AUH: variants seen among roughly 807,000 people sequenced by gnomAD.
The protein encoded by AUH is AU RNA binding methylglutaconyl-CoA hydratase, also known as methylglutaconyl-CoA hydratase, mitochondrial.
In AUH, 29 loss-of-function variants were observed where a neutral mutation model predicts 42.3. The ratio of observed to expected loss-of-function variants is 0.69; its 90% CI spans 0.51 to 0.93. The LOEUF is 0.93. Among genes scored for constraint, AUH ranks in the 40% least tolerant of loss-of-function variants. The pLI is 0.00. For synonymous variants in AUH, 174 were observed against 166.4 expected (o/e 1.05, Z -0.35); for missense variants, 452 against 438.1 (o/e 1.03, Z -0.28).
chr9:91,308,539 T>G (rs557141029), intron 4 of AUH, among the ~76,000 whole-genome samples: 1 of 152,290 alleles, frequency 6.6e-6, no homozygotes, highest in East Asian at 1.9e-4. Flanking sequence ...CAGTAAAGTG[T>G]TCTACCAATT....
At chr9:91,222,208 C>T (rs1029981397) in intron 6 of AUH, among the ~76,000 whole-genome samples, 4 of 151,262 alleles carry the variant, frequency 2.6e-5, no homozygotes, top group African/African-American at 9.7e-5. Context: ...AAAGCAAAAT[C>T]ATTTTTTGTT....
intron 3 of AUH, among the ~76,000 whole-genome samples, chr9:91,339,987 A>T (rs960134889): frequency 1.4e-4 from 21 of 152,204 alleles, no homozygotes; most frequent in Non-Finnish European, 7.4e-5. Flanking sequence ...AACCTCTCAG[A>T]GGAAGAGCTC....
In AUH at chr9:91,302,188, G is replaced by A. The variant is rs908134849; in HGVS notation, c.506-4112C>T. Among the ~76,000 whole-genome samples, 25 of 142,660 alleles carry A rather than the reference G, an allele frequency of 1.8e-4. 2 individuals carry two copies. The South Asian group carries it at 2.3e-3, about 13-fold the overall frequency. The allele number at this position is 142,660 out of a possible 152,430, so 93.6% of individuals were successfully genotyped here. The stretch of plus-strand genomic sequence containing the variant: ...GCACTTAATAATCAAAGAGGGGGCC[G>A]GGTGCAGTGTGGCTCATGCCTGTAA... On this transcript the variant is annotated intron_variant, in intron 4 of 9. Transcript: ENST00000375731.
At chr9:91,256,408 G>A (rs1235094765) in intron 6 of AUH, among the ~76,000 whole-genome samples, 1 of 152,060 alleles carries the variant, frequency 6.6e-6, no homozygotes, top group Non-Finnish European at 1.5e-5. Context: ...ACCTGAGCCT[G>A]CCCTCCTTTG....
At chr9:91,296,415 T>G (rs1157494927) in intron 5 of AUH, among the ~76,000 whole-genome samples, 4 of 152,186 alleles carry the variant, frequency 2.6e-5, no homozygotes, top group African/African-American at 9.6e-5. Context: ...TCAGCAGACT[T>G]GTCAGTATCT....
chr9:91,283,875 G>A (rs932011326), intron 6 of AUH, among the ~76,000 whole-genome samples: 16 of 152,084 alleles, frequency 1.1e-4, no homozygotes, highest in African/African-American at 3.9e-4. Context: ...TTGTGAAAAT[G>A]GCCATACTGC....
chr9:91,270,239 C>A (rs1026019485), intron 6 of AUH, among the ~76,000 whole-genome samples: 1 of 152,132 alleles, frequency 6.6e-6, no homozygotes, highest in African/African-American at 2.4e-5. Flanking sequence ...TGGCAACATG[C>A]AGGGAAAGGG....
rs1016988975 is a variant in AUH, at chr9:91,214,279, T to C, written c.*69A>G. Reference sequence around the variant, plus strand: ...TTAAGGTTCCATGTGCTGAGGCATATAGTGGATCCGAAAGACACTTCCAGG... The same window carrying C: ...TTAAGGTTCCATGTGCTGAGGCATACAGTGGATCCGAAAGACACTTCCAGG... On this transcript the variant is annotated 3_prime_UTR_variant, in exon 10 of 10. Coordinates refer to ENST00000375731, the MANE Select transcript of AUH (RefSeq NM_001698.3). The C allele has an allele frequency of 7.6e-6, 10 of 1,314,532 alleles. No homozygotes were observed. Among genetic ancestry groups the C allele is most frequent in the South Asian group, 3.7e-5 (3 of 80,802 alleles). 81.4% of individuals were successfully genotyped at this position (1,314,532 alleles called of 1,614,324 possible).
chr9:91,361,027 T>C (rs971965091), intron 1 of AUH, among the ~76,000 whole-genome samples: 4 of 152,198 alleles, frequency 2.6e-5, no homozygotes, highest in Non-Finnish European at 5.9e-5. Flanking sequence ...CCGTAGAAGG[T>C]AGCTCAAGGG....
At chr9:91,267,571 G>A (rs532031919) in intron 6 of AUH, among the ~76,000 whole-genome samples, 1 of 152,172 alleles carries the variant, frequency 6.6e-6, no homozygotes, top group African/African-American at 2.4e-5. Flanking sequence ...AGAGTCTTCC[G>A]CAAGTGGAAA....
At chr9:91,229,440 A>G (rs1271338915) in intron 6 of AUH, among the ~76,000 whole-genome samples, 40 of 149,762 alleles carry the variant, frequency 2.7e-4, no homozygotes, top group African/African-American at 9.6e-4. Flanking sequence ...TTTTGAGCCT[A>G]TGTGTGTCTC....
chr9:91,218,804 G>T (rs2131202587), intron 7 of AUH: 1 of 985,026 alleles, frequency 1.0e-6, no homozygotes, highest in Middle Eastern at 5.2e-4. Flanking sequence ...TTATCTGGAG[G>T]ACTAATCATT....
At chr9:91,251,487 G>C (rs1829123801) in intron 6 of AUH, among the ~76,000 whole-genome samples, 1 of 152,192 alleles carries the variant, frequency 6.6e-6, no homozygotes, top group Admixed American at 6.5e-5. Flanking sequence ...GGATTTCTGA[G>C]AGGAGTCACT....
chr9:91,250,970 C>T (rs1461334384), intron 6 of AUH, among the ~76,000 whole-genome samples: 2 of 152,204 alleles, frequency 1.3e-5, no homozygotes, highest in Non-Finnish European at 2.9e-5. Flanking sequence ...GAAGAAACCA[C>T]TCGTGGGTGG....
chr9:91,300,690 G>A (rs1269978150), intron 4 of AUH, among the ~76,000 whole-genome samples: 4 of 152,170 alleles, frequency 2.6e-5, no homozygotes, highest in Non-Finnish European at 4.4e-5. Flanking sequence ...GCATGGCACA[G>A]GAAGGCACCT....
intron 6 of AUH, among the ~76,000 whole-genome samples, chr9:91,273,268 G>C (rs961513391): frequency 1.3e-5 from 2 of 152,162 alleles, no homozygotes; most frequent in African/African-American, 4.8e-5. Context: ...TAAGATGCCG[G>C]CAAGGTTAAA....
chr9:91,347,079 C>T (rs988277409), intron 3 of AUH, among the ~76,000 whole-genome samples: 1 of 152,024 alleles, frequency 6.6e-6, no homozygotes, highest in Non-Finnish European at 1.5e-5. Flanking sequence ...CTTTGTCACC[C>T]ACGCTGGAGC....
intron 6 of AUH, among the ~76,000 whole-genome samples, chr9:91,263,535 A>G (rs890372395): frequency 1.3e-5 from 2 of 152,202 alleles, no homozygotes; most frequent in African/African-American, 4.8e-5. Flanking sequence ...CTTTAACAAA[A>G]CTTCATTATA....
At chr9:91,268,809 T>C (rs1002702113) in intron 6 of AUH, among the ~76,000 whole-genome samples, 3 of 152,146 alleles carry the variant, frequency 2.0e-5, no homozygotes, top group Non-Finnish European at 4.4e-5. Flanking sequence ...CCAGTCTTCT[T>C]TGAGGTAAAT....
Sources: allele counts gnomAD v4.1 joint callset (sites outside exome capture counted in the v4.1 genomes callset), GRCh38; gene constraint gnomAD v4.1.1; transcripts MANE v1.5; gene names NCBI Gene and HGNC (gene_info 2026-07-23, HGNC 2026-07-21).